Variants in B3GAT2 observed in about 807,000 individuals in gnomAD.
B3GAT2 encodes galactosylgalactosylxylosylprotein 3-beta-glucuronosyltransferase 2.
Under a neutral mutation model 27.8 loss-of-function variants are expected in B3GAT2, and 26 were observed. The ratio of observed to expected loss-of-function variants is 0.93; its 90% CI spans 0.68 to 1.30. B3GAT2 has a LOEUF of 1.30. Among genes scored for constraint, B3GAT2 ranks in the 50% most tolerant of loss-of-function variants. The pLI is 0.00. For missense variants in B3GAT2, 458 were observed against 459.0 expected, an observed-to-expected ratio of 1.00 and a Z score of 0.02; for synonymous variants, 218 against 195.1, an observed-to-expected ratio of 1.12 and a Z score of -0.98.
intron 1 of B3GAT2, among the ~76,000 whole-genome samples, chr6:70,911,474 A>AT (rs1772688495): frequency 6.6e-6 from 1 of 151,988 alleles, no homozygotes. Flanking sequence ...ACACAGCTTT[A>AT]TTTCTGGGCT....
chr6:70,876,932 C>G (rs1011568641), intron 2 of B3GAT2, among the ~76,000 whole-genome samples: 1 of 152,134 alleles, frequency 6.6e-6, no homozygotes. Context: ...TTTGGAGACA[C>G]TGAAATCTGA....
At chr6:70,886,243 A>G (rs1003441429) in intron 2 of B3GAT2, among the ~76,000 whole-genome samples, 5 of 152,142 alleles carry the variant, frequency 3.3e-5, no homozygotes, top group African/African-American at 1.2e-4. Context: ...ATCCCAGACA[A>G]CTCACTTAGC....
intron 2 of B3GAT2, among the ~76,000 whole-genome samples, chr6:70,876,780 GC>G (rs1335762814): frequency 6.6e-6 from 1 of 152,150 alleles, no homozygotes; most frequent in Non-Finnish European, 1.5e-5. Flanking sequence ...TGTGGTCTCT[GC>G]CCTCTGGCAA....
intron 1 of B3GAT2, among the ~76,000 whole-genome samples, chr6:70,913,299 G>C (rs191839396): frequency 6.6e-6 from 1 of 152,268 alleles, no homozygotes; most frequent in Admixed American, 6.5e-5. Flanking sequence ...GGGGTGTTTA[G>C]TGCTATAAAC....
intron 1 of B3GAT2, among the ~76,000 whole-genome samples, chr6:70,944,435 G>GCTCGGAGGGTCCTA (rs1554218000): frequency 0.71 from 108,001 of 151,548 alleles, 38,850 homozygotes; most frequent in African/African-American, 0.76. Flanking sequence ...CCCACACATG[G>GCTCGGAGGGTCCTA]CGCCCACGGA....
rs61302739 is a variant in B3GAT2 at position 70,923,847 on chromosome 6, C to T, written c.592-29575G>A. 1.3e-3 allele frequency among the ~76,000 whole-genome samples: 197 copies of T among 152,226 alleles called. 1 individual carries two copies. Among genetic ancestry groups the T allele is most frequent in the African/African-American group, 4.5e-3 (189 of 41,544 alleles). On this transcript the variant is annotated intron_variant, in intron 1 of 3. Coordinates refer to ENST00000230053, the MANE Select transcript of B3GAT2 (RefSeq NM_080742.3). ...GACATTGTGGAATATGTTTTGGTTT[C>T]CATTTTTCTATGCTGTATCATATTT...
At chr6:70,942,268 G>C (rs1049938528) in intron 1 of B3GAT2, among the ~76,000 whole-genome samples, 1 of 152,176 alleles carries the variant, frequency 6.6e-6, no homozygotes, top group Non-Finnish European at 1.5e-5. Context: ...AGAACCTGAA[G>C]AGTTCTTTAC....
intron 1 of B3GAT2, 147 bp downstream of exon 1, chr6:70,955,692 C>G: frequency 1.0e-6 from 1 of 954,768 alleles, no homozygotes; most frequent in Non-Finnish European, 1.5e-6. Context: ...CAGCAAGGAG[C>G]GGCTCCACTC....
Position 70,859,614 on chromosome 6 carries a change from T to TAAGA in B3GAT2, c.*2045_*2048dup, listed in dbSNP as rs1771613544. On this transcript the variant is annotated 3_prime_UTR_variant, in exon 4 of 4. Coordinates refer to ENST00000230053, the MANE Select transcript of B3GAT2 (RefSeq NM_080742.3). The stretch of plus-strand genomic sequence containing the variant: ...CTTCTCTTATCACCAATTTTGGAAG[T>TAAGA]AAGAGAATCACAGGGTTAAGATGCT... The TAAGA allele has an allele frequency of 5.2e-6, 2 of 387,728 alleles. No individual in the cohort carries two copies. The highest frequency in any genetic ancestry group is 5.8e-5 in the South Asian group (1 of 17,114). The allele number at this position is 387,728 out of a possible 1,614,324, so 24.0% of individuals were successfully genotyped here. A position where few individuals can be genotyped will look rare whatever the true frequency, so the allele number is the denominator to read the frequency against.
At chr6:70,943,107 A>T (rs1765420160) in intron 1 of B3GAT2, among the ~76,000 whole-genome samples, 1 of 152,214 alleles carries the variant, frequency 6.6e-6, no homozygotes, top group Admixed American at 6.5e-5. Context: ...ACCCAATCTG[A>T]CTTCTGGTAG....
intron 1 of B3GAT2, among the ~76,000 whole-genome samples, chr6:70,904,778 T>G (rs773212942): frequency 6.6e-6 from 1 of 152,270 alleles, no homozygotes; most frequent in Middle Eastern, 3.4e-3. Context: ...TAGCTATTCT[T>G]GGGTAAAAGT....
intron 1 of B3GAT2, among the ~76,000 whole-genome samples, chr6:70,950,066 T>A (rs11752365): frequency 1.1e-5 from 1 of 90,814 alleles, no homozygotes; most frequent in Non-Finnish European, 2.2e-5. Flanking sequence ...GGGTGGGGGT[T>A]GGGGGGAGGG....
At position 70,860,420 on chromosome 6, in the gene B3GAT2, A is replaced by ATT; in HGVS notation, c.*1241_*1242dup. 4.1e-6 allele frequency: 6 copies of ATT among 1,478,246 alleles called. No individual in the cohort carries two copies. In the African/African-American group the frequency reaches 8.5e-5, roughly 21 times the overall value. 91.6% of individuals were successfully genotyped at this position (1,478,246 alleles called of 1,614,324 possible). On this transcript the variant is annotated 3_prime_UTR_variant, in exon 4 of 4. Transcript: ENST00000230053. ...AGTTCCCCTGTTTATTCATATGCATATTTTTTTTCTTTTTACCCATTTGTT... is the reference window on the plus strand; with the variant it reads ...AGTTCCCCTGTTTATTCATATGCATATTTTTTTTTTCTTTTTACCCATTTGTT...
intron 2 of B3GAT2, among the ~76,000 whole-genome samples, chr6:70,889,802 T>G (rs1347930696): frequency 6.9e-6 from 1 of 144,882 alleles, no homozygotes; most frequent in Non-Finnish European, 1.5e-5. Flanking sequence ...TTTTTTTTTT[T>G]GAAACAGTCT....
At chr6:70,934,466 T>A (rs1773110510) in intron 1 of B3GAT2, among the ~76,000 whole-genome samples, 1 of 149,024 alleles carries the variant, frequency 6.7e-6, no homozygotes, top group South Asian at 2.2e-4. Flanking sequence ...TAATATAACC[T>A]CCAGGGCACC....
chr6:70,861,576 ACC>A lies in B3GAT2; in HGVS notation c.*85_*86del. The A allele has an allele frequency of 8.2e-7, 1 of 1,219,810 alleles. No homozygotes were observed. Among genetic ancestry groups the A allele is most frequent in the Non-Finnish European group, 1.2e-6 (1 of 846,306 alleles). The allele number at this position is 1,219,810 out of a possible 1,614,324, so 75.6% of individuals were successfully genotyped here. A position where few individuals can be genotyped will look rare whatever the true frequency, so the allele number is the denominator to read the frequency against. On this transcript the variant is annotated 3_prime_UTR_variant, in exon 4 of 4. Transcript: ENST00000230053. ...GCTGTACTGAAGTAAAACAAACAAT[ACC>A]TGAATGCTCTGTAGCCTAAACTCCA...
At chr6:70,927,580 G>T (rs949667310) in intron 1 of B3GAT2, among the ~76,000 whole-genome samples, 1 of 152,140 alleles carries the variant, frequency 6.6e-6, no homozygotes, top group Non-Finnish European at 1.5e-5. Context: ...AGACAAAGAA[G>T]GCCGTTAACA....
intron 2 of B3GAT2, among the ~76,000 whole-genome samples, chr6:70,862,546 C>T (rs1241271287): frequency 1.3e-5 from 2 of 152,010 alleles, no homozygotes; most frequent in African/African-American, 4.8e-5. Flanking sequence ...TAATTTGGTT[C>T]AATCTAAAAA....
Position 70,857,818 on chromosome 6 carries a change from GT to G in B3GAT2, c.*3844del, listed in dbSNP as rs1288455915. 3.1e-6 allele frequency: 4 copies of G among 1,271,126 alleles called. No individual in the cohort carries two copies. Among genetic ancestry groups the G allele is most frequent in the East Asian group, 4.8e-5 (2 of 41,950 alleles). 78.7% of individuals were successfully genotyped at this position (1,271,126 alleles called of 1,614,324 possible). A position where few individuals can be genotyped will look rare whatever the true frequency, so the allele number is the denominator to read the frequency against. The stretch of plus-strand genomic sequence containing the variant: ...GGAGCAGCCAAACTGGAATTAAAAT[GT>G]TTGCTGTGAGTAGTTCAGAAAGGCA... On this transcript the variant is annotated 3_prime_UTR_variant, in exon 4 of 4. Coordinates refer to ENST00000230053, the MANE Select transcript of B3GAT2 (RefSeq NM_080742.3).
Sources: allele counts gnomAD v4.1 joint callset (sites outside exome capture counted in the v4.1 genomes callset), GRCh38; gene constraint gnomAD v4.1.1; transcripts MANE v1.5; gene names NCBI Gene and HGNC (gene_info 2026-07-23, HGNC 2026-07-21).